The following IRAK4 variants were observed in gnomAD, a reference collection of about 807,000 sequenced individuals.
IRAK4 encodes interleukin-1 receptor-associated kinase 4.
A neutral mutation model predicts 51.8 loss-of-function variants in IRAK4; 44 were observed. The observed-to-expected ratio is 0.85, with a 90% CI of 0.67 to 1.09. IRAK4 has a LOEUF of 1.09. Ranked by LOEUF, IRAK4 falls within the 50% of genes least tolerant of loss-of-function variation. The pLI is 0.00. For synonymous variants in IRAK4, 149 were observed against 174.1 expected (o/e 0.86, Z 1.13); for missense variants, 487 against 538.0 (o/e 0.91, Z 0.94).
At chr12:43,780,340 G>T (rs142866968) in intron 8 of IRAK4, among the ~76,000 whole-genome samples, 69 of 152,130 alleles carry the variant, frequency 4.5e-4, no homozygotes, top group African/African-American at 1.6e-3. Flanking sequence ...TTTTAAGCTG[G>T]CAGAGATTAA....
At chr12:43,774,101 A>G in intron 6 of IRAK4, 72 bp downstream of exon 6, 2 of 986,216 alleles carry the variant, frequency 2.0e-6, no homozygotes, top group Middle Eastern at 2.1e-4. Flanking sequence ...GGTTCACTCT[A>G]GAGTATGCCA....
At chr12:43,783,176 C>G (rs1941923903) in intron 9 of IRAK4, among the ~76,000 whole-genome samples, 1 of 152,020 alleles carries the variant, frequency 6.6e-6, no homozygotes, top group African/African-American at 2.4e-5. Flanking sequence ...GAGAAATGCC[C>G]AAAGCTCATG....
At chr12:43,776,661 G>T (rs2137988154) in intron 6 of IRAK4, among the ~76,000 whole-genome samples, 1 of 152,358 alleles carries the variant, frequency 6.6e-6, no homozygotes, top group Middle Eastern at 3.4e-3. Context: ...CTGAGGCTCA[G>T]TAAGGCTGTT....
intron 3 of IRAK4, among the ~76,000 whole-genome samples, 190 bp downstream of exon 3, chr12:43,771,555 A>G (rs765404722): frequency 6.6e-6 from 1 of 152,230 alleles, no homozygotes; most frequent in Non-Finnish European, 1.5e-5. Flanking sequence ...CTCTGCTGCT[A>G]AGGTGATAGA....
At chr12:43,769,660 GA>G (rs1940542438) in intron 2 of IRAK4, among the ~76,000 whole-genome samples, 1 of 152,048 alleles carries the variant, frequency 6.6e-6, no homozygotes, top group South Asian at 2.1e-4. Context: ...AATAGATAGA[GA>G]AAAAGTATTG....
intron 1 of IRAK4, among the ~76,000 whole-genome samples, chr12:43,762,858 TA>T (rs1380718436): frequency 6.6e-6 from 1 of 152,196 alleles, no homozygotes; most frequent in Non-Finnish European, 1.5e-5. Context: ...ACAGAAAAAA[TA>T]ACAGTATGTG....
rs755668302 is a variant in IRAK4 at position 43,782,488 on chromosome 12, G to A, written c.1123G>A (p.Val375Met). 8.1e-6 allele frequency: 13 copies of A among 1,610,706 alleles called. No homozygotes were observed. Among genetic ancestry groups the A allele is most frequent in the East Asian group, 2.2e-5 (1 of 44,832 alleles). Residue 375 changes from valine to methionine, a missense_variant and splice_region_variant, in exon 9 of 12, where the codon GTG becomes ATG. Physicochemically the swap from Val to Met is conservative, Grantham distance 21. Coordinates refer to ENST00000613694, the MANE Select transcript of IRAK4 (RefSeq NM_016123.4). ...CAAATCTGATATTTACAGCTTTGGT[G>A]TGGTAAGTTCCGTATACATAATTAT... Reference protein sequence around the residue: ...TPKSDIYSFGVVLLEIITGLP... With the variant: ...TPKSDIYSFGMVLLEIITGLP...
rs576135948 is a variant in IRAK4, at chr12:43,788,383, C to G, written c.*1668C>G. On this transcript the variant is annotated 3_prime_UTR_variant, in exon 12 of 12. Coordinates refer to ENST00000613694, the MANE Select transcript of IRAK4 (RefSeq NM_016123.4). Reference sequence around the variant, plus strand: ...TGTAGAGCCACCAGCAGCTTGCACTCTGAGCTTGGAAAAGCCACAGGCACT... The same window carrying G: ...TGTAGAGCCACCAGCAGCTTGCACTGTGAGCTTGGAAAAGCCACAGGCACT... 1.1e-4 allele frequency: 17 copies of G among 152,348 alleles called. No individual in the cohort carries two copies. Among genetic ancestry groups the G allele is most frequent in the Non-Finnish European group, 2.3e-4 (16 of 68,172 alleles). 9.4% of individuals were successfully genotyped at this position (152,348 alleles called of 1,614,324 possible).
chr12:43,788,496 G>GT lies in IRAK4; in HGVS notation c.*1782dup, dbSNP rs1942352948. On this transcript the variant is annotated 3_prime_UTR_variant, in exon 12 of 12. Transcript: ENST00000613694. ...CCTCGAGGGCCCACCCCTTGCACCA[G>GT]TGTGCCAGGATGTGGGACATGGAAT... 1.3e-5 allele frequency: 2 copies of GT among 152,016 alleles called. No homozygotes were observed. The allele number at this position is 152,016 out of a possible 1,614,324, so 9.4% of individuals were successfully genotyped here.
At chr12:43,772,153 C>T in intron 3 of IRAK4, 27 bp from the exon 4 acceptor site, 1 of 1,587,628 alleles carries the variant, frequency 6.3e-7, no homozygotes, top group South Asian at 1.1e-5. Flanking sequence ...TACTGAAAAA[C>T]CACTTGTATC....
chr12:43,774,613 C>G (rs575357503), intron 6 of IRAK4, among the ~76,000 whole-genome samples: 1 of 152,288 alleles, frequency 6.6e-6, no homozygotes, highest in South Asian at 2.1e-4. Context: ...ATCATGTTTT[C>G]CACTTCCAGA....
chr12:43,780,331 T>C (rs1366963609), intron 8 of IRAK4, among the ~76,000 whole-genome samples: 7 of 152,180 alleles, frequency 4.6e-5, no homozygotes, highest in Non-Finnish European at 2.9e-5. Flanking sequence ...GGAAACTTTT[T>C]TTAAGCTGGC....
At position 43,772,213 on chromosome 12, in the gene IRAK4, C is replaced by T; in HGVS notation, c.341C>T (p.Ser114Phe). The T allele has an allele frequency of 1.2e-6, 2 of 1,613,632 alleles. No homozygotes were observed. The highest frequency in any genetic ancestry group is 1.7e-6 in the Non-Finnish European group (2 of 1,179,832). ...AVPKTANTLP[S>F]KEAITVQQKQ... Reference sequence around the variant, plus strand: ...CCCAAAACTGCTAATACACTACCTTCTAAAGAAGCTATAACAGTTCAGCAA... The same window carrying T: ...CCCAAAACTGCTAATACACTACCTTTTAAAGAAGCTATAACAGTTCAGCAA... Residue 114 changes from serine to phenylalanine, a missense_variant, in exon 4 of 12, where the codon TCT (serine) becomes TTT (phenylalanine). Ser to Phe is a radical substitution (Grantham distance 155, BLOSUM62 -2). Transcript: ENST00000613694.
chr12:43,773,449 A>G (rs1042522803), intron 5 of IRAK4, among the ~76,000 whole-genome samples: 1 of 152,162 alleles, frequency 6.6e-6, no homozygotes, highest in Non-Finnish European at 1.5e-5. Flanking sequence ...TTTAGGAAGT[A>G]TACATTAAGA....
rs760527974 is a variant in IRAK4, at chr12:43,786,511, G to C, written c.1301G>C (p.Ser434Thr). Reference protein sequence around the residue: ...TSVEAMYSVASQCLHEKKNKR... With the variant: ...TSVEAMYSVATQCLHEKKNKR... ...GTTGAAGCTATGTACTCTGTTGCTA[G>C]TCAATGTCTGCATGAAAAGAAAAAT... The change falls in exon 11 of 12, where the codon AGT becomes ACT. Residue 434 changes from serine (S) to threonine (T), a missense_variant. Ser to Thr is a moderately conservative substitution (Grantham distance 58). Coordinates refer to ENST00000613694, the MANE Select transcript of IRAK4 (RefSeq NM_016123.4). The C allele has an allele frequency of 1.2e-6, 2 of 1,613,460 alleles. No homozygotes were observed. Among genetic ancestry groups the C allele is most frequent in the South Asian group, 1.1e-5 (1 of 90,974 alleles).
At chr12:43,770,961 TTC>T (rs4251468) in intron 2 of IRAK4, 26 of 628,214 alleles carry the variant, frequency 4.1e-5, no homozygotes, top group African/African-American at 7.3e-5. Context: ...ATTTTTCTTT[TTC>T]TCTCTCTCTC....
intron 8 of IRAK4, among the ~76,000 whole-genome samples, chr12:43,782,027 TATTTCA>T (rs1397022120): frequency 6.6e-6 from 1 of 151,856 alleles, no homozygotes; most frequent in Non-Finnish European, 1.5e-5. Context: ...TAGACAGTTT[TATTTCA>T]TTTTTATTCT....
intron 1 of IRAK4, among the ~76,000 whole-genome samples, chr12:43,760,207 C>T (rs1374407880): frequency 6.6e-6 from 1 of 152,210 alleles, no homozygotes; most frequent in Non-Finnish European, 1.5e-5. Flanking sequence ...ATGCTGTCTT[C>T]TCACTCTCCA....
chr12:43,766,152 CTT>C (rs1318502352), intron 1 of IRAK4, among the ~76,000 whole-genome samples: 2 of 152,142 alleles, frequency 1.3e-5, no homozygotes, highest in Non-Finnish European at 2.9e-5. Context: ...AGTTCAAACT[CTT>C]TGTCTTAGCA....
Sources: gnomAD v4.1 joint callset for allele counts (sites outside exome capture counted in the v4.1 genomes callset) on GRCh38, gnomAD v4.1.1 for gene constraint, MANE v1.5 for transcripts, NCBI Gene and HGNC (gene_info 2026-07-23, HGNC 2026-07-21) for gene names.